ADCY7: variants seen among roughly 807,000 people sequenced by gnomAD.
ADCY7 encodes the protein adenylate cyclase type 7.
A neutral mutation model predicts 120.6 loss-of-function variants in ADCY7; 72 were observed. That is an observed-to-expected ratio of 0.60 (90% CI 0.49 to 0.73). The LOEUF (loss-of-function observed/expected upper bound fraction) is 0.73, where lower values mean the gene tolerates loss of function less well. ADCY7 is among the 30% of genes least tolerant of loss of function. The pLI, the probability that ADCY7 is intolerant of heterozygous loss-of-function variation, is 0.00. For missense variants in ADCY7, 1,227 were observed against 1,486.0 expected (o/e 0.83, Z 2.87); for synonymous variants, 661 against 628.0 (o/e 1.05, Z -0.78).
At chr16:50,313,840 C>A in intron 22 of ADCY7, 118 bp from the exon 23 acceptor site, 1 of 760,794 alleles carries the variant, frequency 1.3e-6, no homozygotes, top group East Asian at 2.5e-5. Flanking sequence ...AGCCATGAGA[C>A]GTGTGTGCGA....
chr16:50,280,492 T>G (rs1171680395), intron 1 of ADCY7, among the ~76,000 whole-genome samples: 1 of 152,132 alleles, frequency 6.6e-6, no homozygotes, highest in African/African-American at 2.4e-5. Context: ...GGCTTGGGGT[T>G]GATTTGTTTT....
Position 50,311,675 on chromosome 16 carries a change from G to A in ADCY7, c.2355-18G>A. 6.3e-7 allele frequency: 1 copy of A among 1,591,856 alleles called. No individual in the cohort carries two copies. Among genetic ancestry groups the A allele is most frequent in the South Asian group, 1.1e-5 (1 of 90,586 alleles). On this transcript the variant is annotated intron_variant, in intron 19 of 25. Coordinates refer to ENST00000673801, the MANE Select transcript of ADCY7 (RefSeq NM_001114.5). ...GTGGTGAGTGCTGGGAGTGACTTGG[G>A]CCTCCCTTCGCATTCAGTGGCACCC...
At chr16:50,313,724 TGGAAG>T (rs1392881456) in intron 22 of ADCY7, 1 of 540,148 alleles carries the variant, frequency 1.9e-6, no homozygotes. Flanking sequence ...CAGACACAGA[TGGAAG>T]GGAAGAGGGA....
Position 50,308,375 on chromosome 16 carries a change from G to A in ADCY7, c.1899G>A (p.Gly633=). ...VSFGLVACVL[G]LVLGLCFATK... is the part of the protein sequence containing the mutation. ...TCGGGCTGGTGGCCTGTGTACTGGG[G>A]CTGGTGCTGGGCCTGTGCTTTGCCA... Residue 633 remains glycine, a synonymous_variant, in exon 16 of 26, where the codon GGG becomes GGA. Coordinates refer to ENST00000673801, the MANE Select transcript of ADCY7 (RefSeq NM_001114.5). 1 of 1,614,164 alleles carries A rather than the reference G, an allele frequency of 6.2e-7. No homozygotes were observed. The highest frequency in any genetic ancestry group is 8.5e-7 in the Non-Finnish European group (1 of 1,180,036).
rs2036852699 is a variant in ADCY7 at position 50,317,406 on chromosome 16, C to CAAGT, written c.*1902_*1905dup. ...GGCTGCCCGGCGGGGGCTCTCCTGG[C>CAAGT]AAGTCAGGAAGGTTTCTGTTGCTAA... is the stretch of plus-strand genomic sequence containing the variant. On this transcript the variant is annotated 3_prime_UTR_variant, in exon 26 of 26. Coordinates refer to ENST00000673801, the MANE Select transcript of ADCY7 (RefSeq NM_001114.5). 6.6e-6 allele frequency: 1 copy of CAAGT among 151,636 alleles called. No homozygotes were observed. Among genetic ancestry groups the CAAGT allele is most frequent in the Non-Finnish European group, 1.5e-5 (1 of 67,652 alleles). 9.4% of individuals were successfully genotyped at this position (151,636 alleles called of 1,614,324 possible).
intron 22 of ADCY7, 76 bp from the exon 23 acceptor site, chr16:50,313,882 C>A: frequency 2.4e-6 from 3 of 1,256,706 alleles, no homozygotes; most frequent in Non-Finnish European, 2.3e-6. Flanking sequence ...AACCCCACAC[C>A]CTTCCTGAGA....
rs966810869 is a variant in ADCY7 at position 50,317,531 on chromosome 16, A to G, written c.*2026A>G. The G allele has an allele frequency of 6.6e-6, 1 of 152,380 alleles. No homozygotes were observed. The highest frequency in any genetic ancestry group is 1.5e-5 in the Non-Finnish European group (1 of 68,048). 9.4% of individuals were successfully genotyped at this position (152,380 alleles called of 1,614,324 possible). On this transcript the variant is annotated 3_prime_UTR_variant, in exon 26 of 26. Transcript: ENST00000673801. Reference sequence around the variant, plus strand: ...TTTCTTCAGTAACAACAGAAACCCCAGTTGGGAGTTTAACAAATAACTGAC... The same window carrying G: ...TTTCTTCAGTAACAACAGAAACCCCGGTTGGGAGTTTAACAAATAACTGAC...
At chr16:50,269,075 C>T (rs191610439) in intron 1 of ADCY7, among the ~76,000 whole-genome samples, 13 of 152,268 alleles carry the variant, frequency 8.5e-5, no homozygotes, top group Non-Finnish European at 2.9e-5. Context: ...GACAAAAGTC[C>T]GACTCGATGG....
At chr16:50,307,025 C>T in intron 14 of ADCY7, 25 bp from the exon 15 acceptor site, 1 of 1,590,142 alleles carries the variant, frequency 6.3e-7, no homozygotes, top group Non-Finnish European at 8.6e-7. Flanking sequence ...TGGTGGCCAC[C>T]CCTCACAGTC....
chr16:50,308,726 C>G lies in ADCY7; in HGVS notation c.1995C>G (p.Pro665=), dbSNP rs374065013. ...CTISERVETQ[P]LLRLTLAVLT... Reference sequence around the variant, plus strand: ...TCTCTGAGAGGGTGGAGACACAGCCCCTGCTGAGGCTGACCCTGGCCGTCC... The same window carrying G: ...TCTCTGAGAGGGTGGAGACACAGCCGCTGCTGAGGCTGACCCTGGCCGTCC... The change falls in exon 17 of 26, where the codon CCC becomes CCG. Residue 665 remains proline, a synonymous_variant. Transcript: ENST00000673801. The G allele has an allele frequency of 9.3e-6, 15 of 1,613,638 alleles. No individual in the cohort carries two copies. The highest frequency in any genetic ancestry group is 1.7e-4 in the Middle Eastern group (1 of 6,034).
At chr16:50,303,970 G>A (rs931672103) in intron 10 of ADCY7, among the ~76,000 whole-genome samples, 2 of 152,086 alleles carry the variant, frequency 1.3e-5, no homozygotes, top group African/African-American at 4.8e-5. Flanking sequence ...CAGGCCCCAG[G>A]GACTCTCTGG....
chr16:50,290,535 T>C lies in ADCY7; in HGVS notation c.250T>C (p.Tyr84His). The stretch of plus-strand genomic sequence containing the variant: ...GTTTGCGGCCCTCTCTGTGCTGATG[T>C]ACGTCGAGTGTCTCCTGCGGCGCTG... The part of the protein sequence containing the change: ...AVFAALSVLM[Y>H]VECLLRRWLR... Residue 84 changes from tyrosine to histidine, a missense_variant, in exon 3 of 26, where the codon TAC (tyrosine) becomes CAC (histidine). By Grantham distance (83) the Tyr-to-His change is moderately conservative. Transcript: ENST00000673801. 1 of 1,614,234 alleles carries C rather than the reference T, an allele frequency of 6.2e-7. No individual in the cohort carries two copies. The highest frequency in any genetic ancestry group is 8.5e-7 in the Non-Finnish European group (1 of 1,180,040).
chr16:50,263,046 G>C (rs1049294731), upstream of ADCY7, among the ~76,000 whole-genome samples: 1 of 152,206 alleles, frequency 6.6e-6, no homozygotes, highest in Admixed American at 6.5e-5. Flanking sequence ...AGGAGCATGG[G>C]TTGTGAAGTC....
intron 18 of ADCY7, 161 bp from the exon 19 acceptor site, chr16:50,310,526 T>C (rs1263288029): frequency 1.9e-6 from 3 of 1,541,998 alleles, no homozygotes; most frequent in Non-Finnish European, 2.6e-6. Flanking sequence ...AAAACAACAC[T>C]GGACACTCTT....
rs1471998415 is a variant in ADCY7, at chr16:50,300,878, G to A, written c.1235+5G>A. 1.3e-6 allele frequency: 2 copies of A among 1,554,392 alleles called. No homozygotes were observed. The highest frequency in any genetic ancestry group is 3.9e-5 in the Admixed American group (2 of 51,294). ...GGAGGCAGCCGGAGTACCCGGGTGA[G>A]GCTGGGCTGGGTAGCCGCAGGGACA... On this transcript the variant is annotated splice_donor_5th_base_variant and intron_variant, in intron 9 of 25. Coordinates refer to ENST00000673801, the MANE Select transcript of ADCY7 (RefSeq NM_001114.5).
At chr16:50,245,092 C>T (rs1363474433), upstream of ADCY7, among the ~76,000 whole-genome samples, 1 of 152,192 alleles carries the variant, frequency 6.6e-6, no homozygotes, top group Non-Finnish European at 1.5e-5. Flanking sequence ...CGCCCTCCCA[C>T]ACCAAGATCT....
chr16:50,285,956 C>T (rs1182256259), intron 1 of ADCY7, among the ~76,000 whole-genome samples: 1 of 152,054 alleles, frequency 6.6e-6, no homozygotes, highest in Non-Finnish European at 1.5e-5. Flanking sequence ...AAAGAAGGAA[C>T]CCATATGGGC....
At chr16:50,311,824 C>A in intron 20 of ADCY7, 38 bp downstream of exon 20, 1 of 1,372,252 alleles carries the variant, frequency 7.3e-7, no homozygotes, top group Non-Finnish European at 1.0e-6. Flanking sequence ...CCAAGCTCTG[C>A]CCACTTTTCC....
At chr16:50,270,490 C>T (rs577137813) in intron 1 of ADCY7, among the ~76,000 whole-genome samples, 7 of 152,290 alleles carry the variant, frequency 4.6e-5, no homozygotes, top group African/African-American at 1.7e-4. Context: ...GGTAAAGGTA[C>T]CCCCTGCATC....
Sources: allele counts gnomAD v4.1 joint callset (sites outside exome capture counted in the v4.1 genomes callset), GRCh38; gene constraint gnomAD v4.1.1; transcripts MANE v1.5; gene names NCBI Gene and HGNC (gene_info 2026-07-23, HGNC 2026-07-21).